Variants in STAT3 observed in about 807,000 individuals in gnomAD.
STAT3 encodes the protein signal transducer and activator of transcription 3.
STAT3 carries 7 observed loss-of-function variants against 114.3 expected under a neutral mutation model. The observed-to-expected ratio is 0.06, with a 90% CI of 0.03 to 0.11. The LOEUF (loss-of-function observed/expected upper bound fraction) is 0.11, where lower values mean the gene tolerates loss of function less well. Ranked by LOEUF, STAT3 falls within the 10% of genes least tolerant of loss-of-function variation. The pLI is 1.00. For missense variants in STAT3, 364 were observed against 960.9 expected (o/e 0.38, Z 8.21); for synonymous variants, 331 against 354.5 (o/e 0.93, Z 0.74).
chr17:42,361,969 C>A (rs1199406923), intron 1 of STAT3, among the ~76,000 whole-genome samples: 1 of 152,112 alleles, frequency 6.6e-6, no homozygotes, highest in African/African-American at 2.4e-5. Context: ...CATTACAGAG[C>A]TACATGTGAT....
chr17:42,363,636 G>A (rs1292065813), intron 1 of STAT3, among the ~76,000 whole-genome samples: 1 of 145,342 alleles, frequency 6.9e-6, no homozygotes, highest in African/African-American at 2.6e-5. Context: ...TTTTTTGGTA[G>A]AGACTCAGTC....
At chr17:42,316,161 G>T in intron 23 of STAT3, 2 of 986,246 alleles carry the variant, frequency 2.0e-6, no homozygotes, top group Non-Finnish European at 2.6e-6. Context: ...TGCTGTGGCT[G>T]TCAAAAGCCC....
intron 1 of STAT3, among the ~76,000 whole-genome samples, chr17:42,373,141 A>G (rs1195620802): frequency 3.3e-5 from 5 of 151,626 alleles, no homozygotes; most frequent in African/African-American, 1.2e-4. Flanking sequence ...CACGAGGTCA[A>G]GAGATCGAGA....
rs548921423 is a variant in STAT3, at chr17:42,339,116, C to T, written c.468+198G>A. Among the ~76,000 whole-genome samples, 8 of 151,354 alleles carry T rather than the reference C, an allele frequency of 5.3e-5. No homozygotes were observed. In the East Asian group the frequency reaches 5.8e-4, roughly 11 times the overall value. On this transcript the variant is annotated intron_variant, in intron 5 of 23. Transcript: ENST00000264657. ...AATTTTTTTTTTTTAATTAGCTGGG[C>T]GTGGTGGTGCATGCCTGTGGTCCCG... is the stretch of plus-strand genomic sequence containing the variant.
At chr17:42,356,539 ATTTT>A (rs67178732) in intron 1 of STAT3, among the ~76,000 whole-genome samples, 1 of 142,980 alleles carries the variant, frequency 7.0e-6, no homozygotes, top group Non-Finnish European at 1.5e-5. Flanking sequence ...ATATATATAT[ATTTT>A]TTTTTTTTTA....
chr17:42,332,703 C>T (rs2082074532), intron 10 of STAT3, among the ~76,000 whole-genome samples: 1 of 151,872 alleles, frequency 6.6e-6, no homozygotes, highest in Non-Finnish European at 1.5e-5. Context: ...ATTAGCCGGG[C>T]ATGGTGGAGT....
At chr17:42,369,435 G>C (rs1332571719) in intron 1 of STAT3, among the ~76,000 whole-genome samples, 1 of 152,102 alleles carries the variant, frequency 6.6e-6, no homozygotes, top group Non-Finnish European at 1.5e-5. Flanking sequence ...CACAGTGTAT[G>C]TACCACATTT....
At chr17:42,316,236 G>A (rs1203715668) in intron 23 of STAT3, 1 of 401,128 alleles carries the variant, frequency 2.5e-6, no homozygotes, top group African/African-American at 2.1e-5. Flanking sequence ...TTTCTTTTTA[G>A]TTTAGTTTTG....
At chr17:42,346,401 G>A (rs184702606) in intron 3 of STAT3, among the ~76,000 whole-genome samples, 168 bp downstream of exon 3, 1 of 152,154 alleles carries the variant, frequency 6.6e-6, no homozygotes, top group Non-Finnish European at 1.5e-5. Context: ...ATGCTCACGG[G>A]TAAGTATACA....
chr17:42,369,627 T>C (rs1050328645), intron 1 of STAT3, among the ~76,000 whole-genome samples: 2 of 152,092 alleles, frequency 1.3e-5, no homozygotes, highest in East Asian at 3.9e-4. Flanking sequence ...GTTCTTGTTG[T>C]TTTTAATTCA....
In STAT3 at chr17:42,373,166, T is replaced by C. The variant is rs181844033; in HGVS notation, c.-24+15113A>G. 1.7e-3 allele frequency among the ~76,000 whole-genome samples: 251 copies of C among 152,064 alleles called. 8 individuals are homozygous for C. The East Asian group carries it at 0.04, about 24-fold the overall frequency. On this transcript the variant is annotated intron_variant, in intron 1 of 23. Coordinates refer to ENST00000264657, the MANE Select transcript of STAT3 (RefSeq NM_139276.3). ...AGAGATCGAGACATCCTGGCTAACA[T>C]AGTGAAACCCTGTCTCTATCAAACA...
intron 2 of STAT3, 117 bp from the exon 3 acceptor site, chr17:42,346,830 A>G: frequency 7.4e-7 from 1 of 1,358,030 alleles, no homozygotes; most frequent in Non-Finnish European, 1.0e-6. Flanking sequence ...CTGATGCTAT[A>G]ACCCATTCAT....
Position 42,337,606 on chromosome 17 carries a change from A to G in STAT3, c.646-20T>C. The G allele has an allele frequency of 6.2e-7, 1 of 1,614,170 alleles. No individual in the cohort carries two copies. The highest frequency in any genetic ancestry group is 8.5e-7 in the Non-Finnish European group (1 of 1,180,028). ...GATGCTCTGGTTGGAAACCAAAACA[A>G]AGTCAGAAAACATTTCCTCAGACTG... is the stretch of plus-strand genomic sequence containing the variant. On this transcript the variant is annotated intron_variant, in intron 7 of 23. Transcript: ENST00000264657. This position sits in a 1 kb window ranked among gnomAD's most constrained non-coding sequence, Gnocchi z 4.0.
chr17:42,332,824 G>A (rs564734457), intron 10 of STAT3, among the ~76,000 whole-genome samples: 1 of 151,742 alleles, frequency 6.6e-6, no homozygotes, highest in Non-Finnish European at 1.5e-5. Flanking sequence ...GGCCGAAAGA[G>A]CGAGACTCTG....
chr17:42,353,024 C>A (rs2083045278), intron 1 of STAT3, among the ~76,000 whole-genome samples: 1 of 152,072 alleles, frequency 6.6e-6, no homozygotes, highest in Admixed American at 6.6e-5. Context: ...TCACCCATTT[C>A]TTTTTACTTC....
rs1489927983 is a variant in STAT3 at position 42,324,047 on chromosome 17, AC to A, written c.1601-423del. ...TTTTAAAAACTAGCCTACGCTGGGC[AC>A]AGTGGCTCAAGCCTGTAATCCCAGC... On this transcript the variant is annotated intron_variant, in intron 17 of 23. Coordinates refer to ENST00000264657, the MANE Select transcript of STAT3 (RefSeq NM_139276.3). The surrounding 1 kb of genome is among the most constrained non-coding windows in gnomAD (Gnocchi z 4.5). Among the ~76,000 whole-genome samples the A allele has an allele frequency of 6.6e-6, 1 of 152,206 alleles. No homozygotes were observed. The highest frequency in any genetic ancestry group is 1.5e-5 in the Non-Finnish European group (1 of 68,036).
At chr17:42,385,061 C>G (rs1001405398) in intron 1 of STAT3, among the ~76,000 whole-genome samples, 1 of 152,132 alleles carries the variant, frequency 6.6e-6, no homozygotes, top group Non-Finnish European at 1.5e-5. Flanking sequence ...GAACAGCTAC[C>G]TTGTTAGCAC....
At chr17:42,316,673 G>A (rs776352614) in intron 23 of STAT3, 116 bp downstream of exon 23, 25 of 1,551,288 alleles carry the variant, frequency 1.6e-5, no homozygotes, top group Non-Finnish European at 2.1e-5. Flanking sequence ...GGAAAGCAAA[G>A]CTCTAGAATC....
intron 5 of STAT3, 33 bp from the exon 6 acceptor site, chr17:42,338,845 TAAAG>T: frequency 6.5e-7 from 1 of 1,543,158 alleles, no homozygotes; most frequent in Non-Finnish European, 8.9e-7. Context: ...AAAACAGAAG[TAAAG>T]AAAGATTTCC....
Sources: allele counts gnomAD v4.1 joint callset (sites outside exome capture counted in the v4.1 genomes callset), GRCh38; gene constraint gnomAD v4.1.1; non-coding constraint Gnocchi (gnomAD v3.1); transcripts MANE v1.5; gene names NCBI Gene and HGNC (gene_info 2026-07-23, HGNC 2026-07-21).